The following SLC6A11 variants were observed in gnomAD, a reference collection of about 807,000 sequenced individuals.
SLC6A11 encodes the protein solute carrier family 6 member 11, also known as sodium- and chloride-dependent GABA transporter 3.
Under a neutral mutation model 74.8 loss-of-function variants are expected in SLC6A11, and 25 were observed. The observed-to-expected ratio is 0.33, with a 90% confidence interval of 0.24 to 0.47. The LOEUF is 0.47. Ranked by LOEUF, SLC6A11 falls within the 20% of genes least tolerant of loss-of-function variation. The pLI is 1.00. For synonymous variants in SLC6A11, 330 were observed against 330.2 expected, an observed-to-expected ratio of 1.00 and a Z score of 0.01; for missense variants, 574 against 837.0, an observed-to-expected ratio of 0.69 and a Z score of 3.88.
chr3:10,856,197 C>T (rs1030219951), intron 5 of SLC6A11, among the ~76,000 whole-genome samples: 1 of 152,156 alleles, frequency 6.6e-6, no homozygotes. Context: ...GAGTGACAAT[C>T]GAGAAAGGAT....
At chr3:10,820,326 G>A (rs954007334) in intron 3 of SLC6A11, among the ~76,000 whole-genome samples, 9 of 152,154 alleles carry the variant, frequency 5.9e-5, no homozygotes, top group Non-Finnish European at 8.8e-5. Flanking sequence ...AAATAGATTT[G>A]GTTGCCAAAA....
In SLC6A11 at chr3:10,873,552, A is replaced by AT. The variant is rs1559566887; in HGVS notation, c.757-1409_757-1408insT. ...ATCCTGTCCTATCCTATCCTATCCT[A>AT]CCCTACCCTACCCTACCCTACCCTA... On this transcript the variant is annotated intron_variant, in intron 5 of 13. Transcript: ENST00000254488. 1.2e-4 allele frequency among the ~76,000 whole-genome samples: 17 copies of AT among 142,806 alleles called. No individual in the cohort carries two copies. In the East Asian group the frequency reaches 1.7e-3, roughly 15 times the overall value. 93.7% of individuals were successfully genotyped at this position (142,806 alleles called of 152,430 possible).
At chr3:10,831,846 A>G (rs949203092) in intron 4 of SLC6A11, among the ~76,000 whole-genome samples, 2 of 152,164 alleles carry the variant, frequency 1.3e-5, no homozygotes, top group South Asian at 2.1e-4. Flanking sequence ...TCTTTCTCCT[A>G]TATGCACCTA....
chr3:10,826,797 G>A (rs1282374631), intron 4 of SLC6A11, among the ~76,000 whole-genome samples: 1 of 152,206 alleles, frequency 6.6e-6, no homozygotes, highest in African/African-American at 2.4e-5. Flanking sequence ...CAACAGCATT[G>A]ATTAATTCCA....
At chr3:10,833,433 G>A (rs1905756) in intron 4 of SLC6A11, among the ~76,000 whole-genome samples, 13,727 of 152,250 alleles carry the variant, frequency 0.09, 945 homozygotes, top group Admixed American at 0.24. Context: ...AGCCATCAAT[G>A]CCAGGGATGG....
chr3:10,834,539 C>T (rs1382042255), intron 4 of SLC6A11, among the ~76,000 whole-genome samples: 3 of 151,960 alleles, frequency 2.0e-5, no homozygotes, highest in Non-Finnish European at 2.9e-5. Context: ...AGTCAGGACC[C>T]GTCAGGAGCA....
intron 6 of SLC6A11, among the ~76,000 whole-genome samples, chr3:10,887,228 G>C (rs2106613135): frequency 6.6e-6 from 1 of 152,048 alleles, no homozygotes; most frequent in South Asian, 2.1e-4. Flanking sequence ...TGGGCAGATG[G>C]ATAGATAGAT....
At chr3:10,881,024 G>A (rs7622695) in intron 6 of SLC6A11, among the ~76,000 whole-genome samples, 4,348 of 152,240 alleles carry the variant, frequency 0.029, 219 homozygotes, top group African/African-American at 0.1. Flanking sequence ...TCCATTCTTA[G>A]TCTGTTGAGA....
chr3:10,918,409 T>A lies in SLC6A11; in HGVS notation c.1076T>A (p.Met359Lys). ...GCCATCTTCTCAGTCCTGGGTTTTA[T>A]GGCGTACGAGCAGGGGGTACCCATT... The part of the protein sequence containing the change: ...GFAIFSVLGF[M>K]AYEQGVPIAE... The change falls in exon 8 of 14, where the codon ATG (methionine) becomes AAG (lysine). Residue 359 changes from methionine to lysine, a missense_variant. Around this residue, in one of 4 missense-constraint regions of SLC6A11, gnomAD observed 16 missense variants for 50.1 expected, o/e 0.32. Coordinates refer to ENST00000254488, the MANE Select transcript of SLC6A11 (RefSeq NM_014229.3). The surrounding 1 kb of genome is among the most constrained non-coding windows in gnomAD (Gnocchi z 4.5). 8.7e-6 allele frequency: 14 copies of A among 1,608,664 alleles called. No individual in the cohort carries two copies. Among genetic ancestry groups the A allele is most frequent in the Non-Finnish European group, 1.2e-5 (14 of 1,178,094 alleles).
At chr3:10,830,452 G>T (rs1365370502) in intron 4 of SLC6A11, among the ~76,000 whole-genome samples, 2 of 152,186 alleles carry the variant, frequency 1.3e-5, no homozygotes, top group African/African-American at 4.8e-5. Flanking sequence ...TCTCATTGTA[G>T]GTTCTGGAAT....
chr3:10,830,796 C>G (rs1694285658), intron 4 of SLC6A11, among the ~76,000 whole-genome samples: 1 of 152,094 alleles, frequency 6.6e-6, no homozygotes, highest in African/African-American at 2.4e-5. Context: ...GCCTCTGTAC[C>G]TTTCTAAAGG....
intron 4 of SLC6A11, chr3:10,824,179 C>T (rs899442323): frequency 1.3e-5 from 2 of 152,120 alleles, no homozygotes; most frequent in Admixed American, 6.5e-5. Flanking sequence ...GTGTGGTGCA[C>T]GACCTGTATA....
rs529610953 is a variant in SLC6A11 at position 10,816,769 on chromosome 3, C to T, written c.256+248C>T. On this transcript the variant is annotated intron_variant, in intron 1 of 13. Transcript: ENST00000254488. The surrounding 1 kb of genome is among the most constrained non-coding windows in gnomAD (Gnocchi z 4.2). The stretch of plus-strand genomic sequence containing the variant: ...GCGCGGGGACTTGCCCGCGTTCTGT[C>T]CCCAGCATGAGATGCAGACCGAGGC... Among the ~76,000 whole-genome samples the T allele has an allele frequency of 5.3e-5, 8 of 152,328 alleles. No individual in the cohort carries two copies. In the East Asian group the frequency reaches 1.6e-3, roughly 30 times the overall value.
chr3:10,869,413 A>C (rs1380742771), intron 5 of SLC6A11, among the ~76,000 whole-genome samples: 1 of 152,240 alleles, frequency 6.6e-6, no homozygotes, highest in Non-Finnish European at 1.5e-5. Context: ...TTAAGATAGA[A>C]AGGACAATGA....
chr3:10,929,247 C>T lies in SLC6A11; in HGVS notation c.1279C>T (p.Pro427Ser). The change falls in exon 10 of 14, where the codon CCC becomes TCC. Residue 427 changes from proline to serine, a missense_variant. Around this residue, in one of 4 missense-constraint regions of SLC6A11, gnomAD observed 257 missense variants for 341.5 expected, o/e 0.75. Coordinates refer to ENST00000254488, the MANE Select transcript of SLC6A11 (RefSeq NM_014229.3). ...GGTGACCGCCGTGGTGGACATGTACCCCAAGGTTTTCCGGAGGGGTTACCG... is the reference window on the plus strand; with the variant it reads ...GGTGACCGCCGTGGTGGACATGTACTCCAAGGTTTTCCGGAGGGGTTACCG... Reference protein sequence around the residue: ...SLVTAVVDMYPKVFRRGYRRE... With the variant: ...SLVTAVVDMYSKVFRRGYRRE... 6.2e-7 allele frequency: 1 copy of T among 1,614,082 alleles called. No homozygotes were observed. The highest frequency in any genetic ancestry group is 8.5e-7 in the Non-Finnish European group (1 of 1,179,998).
intron 6 of SLC6A11, among the ~76,000 whole-genome samples, chr3:10,883,911 G>T (rs1006923226): frequency 6.6e-6 from 1 of 152,126 alleles, no homozygotes; most frequent in Non-Finnish European, 1.5e-5. Context: ...CAATGTATTT[G>T]TTCCTGAGTT....
intron 5 of SLC6A11, among the ~76,000 whole-genome samples, chr3:10,874,163 T>C (rs1694880851): frequency 6.6e-6 from 1 of 152,268 alleles, no homozygotes; most frequent in Admixed American, 6.5e-5. Context: ...AAAGTGGATT[T>C]AGAAGATCAT....
At chr3:10,873,584 G>GCCATGCTATC (rs1559566923) in intron 5 of SLC6A11, among the ~76,000 whole-genome samples, 6 of 116,370 alleles carry the variant, frequency 5.2e-5, no homozygotes, top group African/African-American at 1.6e-4. Flanking sequence ...CCTACCCTAC[G>GCCATGCTATC]CTATCCTATC....
chr3:10,933,364 T>A, intron 11 of SLC6A11, 111 bp downstream of exon 11: 2 of 736,660 alleles, frequency 2.7e-6, no homozygotes. Context: ...TGGTCTATAC[T>A]GGCCTCTTCT....
Sources: allele counts gnomAD v4.1 joint callset (sites outside exome capture counted in the v4.1 genomes callset), GRCh38; gene constraint gnomAD v4.1.1; regional missense constraint gnomAD v4.1.1; non-coding constraint Gnocchi (gnomAD v3.1); transcripts MANE v1.5; gene names NCBI Gene and HGNC (gene_info 2026-07-23, HGNC 2026-07-21).